The following PLBD2 variants were observed in gnomAD, a reference collection of about 807,000 sequenced individuals.
PLBD2 encodes the protein putative aminopeptidase PLBD2.
In PLBD2, 51 loss-of-function variants were observed where a neutral mutation model predicts 68.3. That is an observed-to-expected ratio of 0.75 (90% CI 0.60 to 0.94). The LOEUF is 0.94. Ranked by LOEUF, PLBD2 falls within the 40% of genes least tolerant of loss-of-function variation. The pLI, the probability that PLBD2 is intolerant of heterozygous loss-of-function variation, is 0.00. For missense variants in PLBD2, 729 were observed against 792.2 expected, an observed-to-expected ratio of 0.92 and a Z score of 0.96; for synonymous variants, 314 against 339.3, an observed-to-expected ratio of 0.93 and a Z score of 0.82.
At position 113,391,468 on chromosome 12, in the gene PLBD2, G is replaced by C. The variant is rs1957609951; in HGVS notation, c.*2842G>C. The stretch of plus-strand genomic sequence containing the variant: ...AGTACATGCCAGGCACTGTTATGAG[G>C]TCCCGGGGATACTTTATAACAAAAG... On this transcript the variant is annotated 3_prime_UTR_variant, in exon 12 of 12. Coordinates refer to ENST00000280800, the MANE Select transcript of PLBD2 (RefSeq NM_173542.4). 2 of 152,176 alleles carry C rather than the reference G, an allele frequency of 1.3e-5. No individual in the cohort carries two copies. Among genetic ancestry groups the C allele is most frequent in the Non-Finnish European group, 1.5e-5 (1 of 68,044 alleles). 9.4% of individuals were successfully genotyped at this position (152,176 alleles called of 1,614,324 possible).
In PLBD2 at chr12:113,380,754, C is replaced by CT. The variant is rs1565863168; in HGVS notation, c.869_870insT (p.Leu291AlafsTer85). On this transcript the variant is annotated frameshift_variant, in exon 6 of 12. Coordinates refer to ENST00000280800, the MANE Select transcript of PLBD2 (RefSeq NM_173542.4). The stretch of plus-strand genomic sequence containing the variant: ...CGCTCTGCCTGCACAGGGGACTACC[C>CT]GCTGGTTCCCGGCAACAAGCTGGTC... 1 of 1,550,450 alleles carries CT rather than the reference C, an allele frequency of 6.4e-7. No homozygotes were observed. The highest frequency in any genetic ancestry group is 1.2e-5 in the South Asian group (1 of 84,106).
chr12:113,369,662 G>A (rs1237679747), intron 2 of PLBD2, among the ~76,000 whole-genome samples: 2 of 151,932 alleles, frequency 1.3e-5, no homozygotes, highest in East Asian at 1.9e-4. Context: ...CATGCTAAAC[G>A]AAAAAAACCA....
Position 113,380,147 on chromosome 12 carries a change from A to T in PLBD2, c.860-598A>T, listed in dbSNP as rs7138853. Reference sequence around the variant, plus strand: ...ATTTCTTTTATTTATTTATTTATTTATTTTTTTTAGATGGAGTCTCACTCT... The same window carrying T: ...ATTTCTTTTATTTATTTATTTATTTTTTTTTTTTAGATGGAGTCTCACTCT... On this transcript the variant is annotated intron_variant, in intron 5 of 11. Transcript: ENST00000280800. Among the ~76,000 whole-genome samples, 332 of 149,390 alleles carry T rather than the reference A, an allele frequency of 2.2e-3. 2 individuals carry two copies. Among genetic ancestry groups the T allele is most frequent in the African/African-American group, 6.5e-3 (255 of 39,286 alleles).
At chr12:113,380,121 T>C (rs1957472647) in intron 5 of PLBD2, among the ~76,000 whole-genome samples, 1 of 152,132 alleles carries the variant, frequency 6.6e-6, no homozygotes, top group Non-Finnish European at 1.5e-5. Flanking sequence ...CTTTTAGTGT[T>C]ATTTCTTTTA....
rs1207331185 is a variant in PLBD2 at position 113,372,977 on chromosome 12, C to T, written c.543+170C>T. ...TGCCACTCATCCATCTGCCCAGTCT[C>T]CATCTGTCCACTTGCTGGAACTCCA... On this transcript the variant is annotated intron_variant, in intron 3 of 11. Transcript: ENST00000280800. The surrounding 1 kb of genome is among the most constrained non-coding windows in gnomAD (Gnocchi z 4.2). 6.6e-6 allele frequency among the ~76,000 whole-genome samples: 1 copy of T among 152,250 alleles called. No homozygotes were observed. Among genetic ancestry groups the T allele is most frequent in the Non-Finnish European group, 1.5e-5 (1 of 68,054 alleles).
intron 2 of PLBD2, among the ~76,000 whole-genome samples, chr12:113,371,153 C>G (rs1404227135): frequency 2.0e-5 from 3 of 152,208 alleles, no homozygotes; most frequent in Non-Finnish European, 4.4e-5. Flanking sequence ...TGGAGGCATG[C>G]ATTGGGTCAC....
At position 113,380,725 on chromosome 12, in the gene PLBD2, G is replaced by A; in HGVS notation, c.860-20G>A. 6.5e-7 allele frequency: 1 copy of A among 1,544,882 alleles called. No homozygotes were observed. Among genetic ancestry groups the A allele is most frequent in the South Asian group, 1.2e-5 (1 of 84,010 alleles). On this transcript the variant is annotated intron_variant, in intron 5 of 11. Coordinates refer to ENST00000280800, the MANE Select transcript of PLBD2 (RefSeq NM_173542.4). ...CTGTGCCTGTCTGACCAGCATCCCT[G>A]GCTCGCTCTGCCTGCACAGGGGACT...
At chr12:113,385,140 C>G (rs953417490) in intron 8 of PLBD2, 72 bp from the exon 9 acceptor site, 1 of 1,533,408 alleles carries the variant, frequency 6.5e-7, no homozygotes. Flanking sequence ...CATCGGGGCT[C>G]CCCGAGCAGG....
Position 113,388,412 on chromosome 12 carries a change from G to C in PLBD2, c.1603-47G>C, listed in dbSNP as rs765917527. On this transcript the variant is annotated intron_variant, in intron 11 of 11. Transcript: ENST00000280800. Reference sequence around the variant, plus strand: ...GGTGGGAGGCTGGGTGCCTGGATTGGGGCAGGCCAGGACCCCTGCTCAGCT... The same window carrying C: ...GGTGGGAGGCTGGGTGCCTGGATTGCGGCAGGCCAGGACCCCTGCTCAGCT... 8 of 1,480,010 alleles carry C rather than the reference G, an allele frequency of 5.4e-6. No individual in the cohort carries two copies. In the African/African-American group the frequency reaches 1.0e-4, roughly 18 times the overall value. 91.7% of individuals were successfully genotyped at this position (1,480,010 alleles called of 1,614,324 possible). A position where few individuals can be genotyped will look rare whatever the true frequency, so the allele number is the denominator to read the frequency against.
intron 11 of PLBD2, among the ~76,000 whole-genome samples, 158 bp downstream of exon 11, chr12:113,388,064 G>A (rs1402755150): frequency 6.6e-6 from 1 of 152,136 alleles, no homozygotes; most frequent in African/African-American, 2.4e-5. Context: ...AGTATGGGCT[G>A]GGCACGGTGG....
chr12:113,360,142 G>A (rs61261011), intron 1 of PLBD2, among the ~76,000 whole-genome samples: 4,105 of 152,262 alleles, frequency 0.027, 168 homozygotes, highest in East Asian at 0.12. Flanking sequence ...TCAAGTAGAC[G>A]TGAGATTTGG....
At chr12:113,374,332 C>T in intron 3 of PLBD2, 142 bp from the exon 4 acceptor site, 1 of 616,548 alleles carries the variant, frequency 1.6e-6, no homozygotes, top group Admixed American at 2.8e-5. Context: ...TTGGGGGAGT[C>T]AAGGCTGGCT....
intron 6 of PLBD2, among the ~76,000 whole-genome samples, chr12:113,383,442 A>C (rs1387676696): frequency 6.6e-6 from 1 of 151,548 alleles, no homozygotes; most frequent in African/African-American, 2.4e-5. Context: ...ACTGGATATG[A>C]GTTTTTATTT....
chr12:113,384,438 C>T lies in PLBD2; in HGVS notation c.1118+173C>T, dbSNP rs1957529165. Among the ~76,000 whole-genome samples the T allele has an allele frequency of 6.6e-6, 1 of 152,196 alleles. No homozygotes were observed. Among genetic ancestry groups the T allele is most frequent in the Non-Finnish European group, 1.5e-5 (1 of 68,034 alleles). On this transcript the variant is annotated intron_variant, in intron 7 of 11. Coordinates refer to ENST00000280800, the MANE Select transcript of PLBD2 (RefSeq NM_173542.4). The surrounding 1 kb of genome is among the most constrained non-coding windows in gnomAD (Gnocchi z 4.2). Reference sequence around the variant, plus strand: ...TAGGGAAGGAAAGGATTTGCCCCTCCCCTGCAGGCTCCTCAGCCTAGGAAG... The same window carrying T: ...TAGGGAAGGAAAGGATTTGCCCCTCTCCTGCAGGCTCCTCAGCCTAGGAAG...
At chr12:113,370,559 C>T (rs1328314402) in intron 2 of PLBD2, among the ~76,000 whole-genome samples, 1 of 149,528 alleles carries the variant, frequency 6.7e-6, no homozygotes, top group Admixed American at 6.7e-5. Context: ...TTACTGCAAC[C>T]TCTGCCTCCC....
chr12:113,365,349 T>G (rs1957333491), intron 1 of PLBD2, among the ~76,000 whole-genome samples: 1 of 148,270 alleles, frequency 6.7e-6, no homozygotes, highest in Non-Finnish European at 1.5e-5. Context: ...TTTGACAGAG[T>G]CTCATTCTGT....
In PLBD2 at chr12:113,387,823, G is replaced by A. The variant is rs368889136; in HGVS notation, c.1519G>A (p.Ala507Thr). The change falls in exon 11 of 12, where the codon GCC becomes ACC. Residue 507 changes from alanine (A) to threonine (T), a missense_variant. Physicochemically the swap from Ala to Thr is moderately conservative, Grantham distance 58. Coordinates refer to ENST00000280800, the MANE Select transcript of PLBD2 (RefSeq NM_173542.4). Reference protein sequence around the residue: ...PQPNGENAISARSDLNPANGS... With the variant: ...PQPNGENAISTRSDLNPANGS... ...GCCCAATGGGGAGAATGCTATCTCC[G>A]CCCGCTCCGACCTCAACCCGGCCAA... 5.6e-6 allele frequency: 9 copies of A among 1,613,968 alleles called. No individual in the cohort carries two copies. The highest frequency in any genetic ancestry group is 5.0e-5 in the Admixed American group (3 of 60,002).
At chr12:113,361,182 G>A (rs776321728) in intron 1 of PLBD2, among the ~76,000 whole-genome samples, 25 of 152,058 alleles carry the variant, frequency 1.6e-4, no homozygotes, top group Non-Finnish European at 3.2e-4. Flanking sequence ...GGTGGGGGCA[G>A]GGATTTGATG....
intron 2 of PLBD2, among the ~76,000 whole-genome samples, chr12:113,370,285 C>T (rs1224142191): frequency 4.0e-5 from 6 of 151,870 alleles, no homozygotes; most frequent in Admixed American, 3.3e-4. Context: ...TGATAGCTAC[C>T]GCATTTAGGG....
Sources: allele counts gnomAD v4.1 joint callset (sites outside exome capture counted in the v4.1 genomes callset), GRCh38; gene constraint gnomAD v4.1.1; non-coding constraint Gnocchi (gnomAD v3.1); transcripts MANE v1.5; gene names NCBI Gene and HGNC (gene_info 2026-07-23, HGNC 2026-07-21).